The following CNTN1 variants were observed in gnomAD, a reference collection of about 807,000 sequenced individuals.
CNTN1 encodes the protein contactin 1.
In CNTN1, 38 loss-of-function variants were observed where a neutral mutation model predicts 126.4. That is an observed-to-expected ratio of 0.30 (90% CI 0.23 to 0.39). CNTN1 has a LOEUF of 0.39. Ranked by LOEUF, CNTN1 falls within the 10% of genes least tolerant of loss-of-function variation. The pLI, the probability that CNTN1 is intolerant of heterozygous loss-of-function variation, is 1.00. For synonymous variants in CNTN1, 413 were observed against 422.6 expected (o/e 0.98, Z 0.28); for missense variants, 1,009 against 1,248.4 (o/e 0.81, Z 2.89).
chr12:40,859,629 C>T (rs1004932522), intron 1 of CNTN1, among the ~76,000 whole-genome samples: 3 of 152,060 alleles, frequency 2.0e-5, no homozygotes, highest in Non-Finnish European at 4.4e-5. Flanking sequence ...AATATCCCAT[C>T]ATATTGACAG....
intron 15 of CNTN1, among the ~76,000 whole-genome samples, chr12:40,970,155 G>T (rs1947454387): frequency 6.6e-6 from 1 of 151,970 alleles, no homozygotes; most frequent in Non-Finnish European, 1.5e-5. Flanking sequence ...ACATTGTCTG[G>T]TAGATACAGT....
At chr12:40,829,827 G>A (rs567878848) in intron 1 of CNTN1, among the ~76,000 whole-genome samples, 4 of 152,296 alleles carry the variant, frequency 2.6e-5, no homozygotes, top group Admixed American at 6.5e-5. Flanking sequence ...CCTGGCTGAG[G>A]TGGCTGATTA....
At chr12:40,813,064 TTC>T (rs1941139343) in intron 1 of CNTN1, among the ~76,000 whole-genome samples, 11 of 133,118 alleles carry the variant, frequency 8.3e-5, no homozygotes, top group African/African-American at 1.2e-4. Context: ...TCTTTCTTCC[TTC>T]CTTCCTTCCT....
intron 1 of CNTN1, among the ~76,000 whole-genome samples, chr12:40,732,791 T>C (rs544918247): frequency 1.2e-4 from 19 of 152,196 alleles, no homozygotes; most frequent in African/African-American, 4.6e-4. Context: ...TTCAAATTAT[T>C]TCACTAATAT....
intron 15 of CNTN1, among the ~76,000 whole-genome samples, chr12:40,970,486 C>G (rs1448768317): frequency 6.6e-6 from 1 of 151,892 alleles, no homozygotes; most frequent in African/African-American, 2.4e-5. Flanking sequence ...TCCTAGTTTC[C>G]GTTTCTTCTA....
intron 23 of CNTN1, among the ~76,000 whole-genome samples, chr12:41,045,154 C>T (rs1000487283): frequency 1.3e-5 from 2 of 151,888 alleles, no homozygotes; most frequent in African/African-American, 4.8e-5. Flanking sequence ...TAAGGATGAA[C>T]TAAGATACAC....
chr12:40,795,807 G>A (rs1940406082), intron 1 of CNTN1, among the ~76,000 whole-genome samples: 1 of 152,100 alleles, frequency 6.6e-6, no homozygotes, highest in Admixed American at 6.6e-5. Context: ...AGGGATTTCT[G>A]TAATCGTTGC....
At chr12:40,984,104 GT>G (rs1449065481) in intron 16 of CNTN1, among the ~76,000 whole-genome samples, 1 of 149,660 alleles carries the variant, frequency 6.7e-6, no homozygotes, top group Non-Finnish European at 1.5e-5. Context: ...TTTATACTCA[GT>G]GAAATATATA....
chr12:40,792,905 G>A lies in CNTN1; in HGVS notation c.-77+100313G>A, dbSNP rs572395173. On this transcript the variant is annotated intron_variant, in intron 1 of 23. Coordinates refer to ENST00000551295, the MANE Select transcript of CNTN1 (RefSeq NM_001843.4). ...TGGCCTATTTTGAGATGACTATTCA[G>A]ACGGGTTACAGACCACAGGAATAGC... Among the ~76,000 whole-genome samples the A allele has an allele frequency of 3.3e-5, 5 of 152,190 alleles. No homozygotes were observed. In the South Asian group the frequency reaches 1.0e-3, roughly 32 times the overall value.
chr12:41,014,327 A>G (rs1412897069), intron 18 of CNTN1, 29 bp downstream of exon 18: 7 of 1,608,848 alleles, frequency 4.4e-6, no homozygotes, highest in Non-Finnish European at 6.0e-6. Context: ...CACATATTAT[A>G]GGTTGCTGTA....
intron 1 of CNTN1, among the ~76,000 whole-genome samples, chr12:40,784,139 T>C (rs1939910870): frequency 6.6e-6 from 1 of 152,170 alleles, no homozygotes; most frequent in African/African-American, 2.4e-5. Context: ...AGGGAAAATA[T>C]GAATCTTTAT....
chr12:40,828,581 C>G (rs969866214), intron 1 of CNTN1, among the ~76,000 whole-genome samples: 1 of 152,118 alleles, frequency 6.6e-6, no homozygotes, highest in African/African-American at 2.4e-5. Flanking sequence ...GTAGAATGAG[C>G]TGAATCAATA....
chr12:40,914,865 A>G (rs1945173510), intron 3 of CNTN1, among the ~76,000 whole-genome samples: 1 of 152,106 alleles, frequency 6.6e-6, no homozygotes, highest in African/African-American at 2.4e-5. Context: ...ATTCACTCCA[A>G]AATTGTATAT....
intron 1 of CNTN1, among the ~76,000 whole-genome samples, chr12:40,819,038 C>T (rs1223971827): frequency 1.3e-5 from 2 of 152,114 alleles, no homozygotes; most frequent in African/African-American, 4.8e-5. Flanking sequence ...TGAAGAGCAG[C>T]AAAGATGGGT....
intron 23 of CNTN1, among the ~76,000 whole-genome samples, chr12:41,033,882 CAAAA>C (rs34710701): frequency 9.7e-6 from 1 of 103,222 alleles, no homozygotes; most frequent in Non-Finnish European, 2.1e-5. Context: ...ACTAAAAATA[CAAAA>C]AAAAAAAAAA....
At chr12:40,878,621 G>A (rs1943761025) in intron 1 of CNTN1, among the ~76,000 whole-genome samples, 1 of 152,172 alleles carries the variant, frequency 6.6e-6, no homozygotes. Flanking sequence ...TATGTGTAAT[G>A]TTACTGAACT....
At chr12:40,697,384 G>A (rs373574127) in intron 1 of CNTN1, among the ~76,000 whole-genome samples, 1 of 152,078 alleles carries the variant, frequency 6.6e-6, no homozygotes, top group East Asian at 1.9e-4. Flanking sequence ...ATATTTATAG[G>A]TTCTTTGTAT....
rs1462598671 is a variant in CNTN1, at chr12:41,014,239, G to A, written c.2125G>A (p.Ala709Thr). The change falls in exon 18 of 24, where the codon GCT becomes ACT. Residue 709 changes from alanine to threonine, a missense_variant. Physicochemically the swap from Ala to Thr is moderately conservative, Grantham distance 58. Transcript: ENST00000551295. ...TTTGTTTGTTTCAGCACCAAATGTG[G>A]CTCCTTCAGATGTAGGAGGTGGAGG... is the stretch of plus-strand genomic sequence containing the variant. The part of the protein sequence containing the change: ...IKTDGAAPNV[A>T]PSDVGGGGGR... 6.2e-7 allele frequency: 1 copy of A among 1,613,852 alleles called. No individual in the cohort carries two copies. The highest frequency in any genetic ancestry group is 8.5e-7 in the Non-Finnish European group (1 of 1,179,792).
chr12:40,962,750 A>G (rs1947151580), intron 15 of CNTN1, among the ~76,000 whole-genome samples: 1 of 152,166 alleles, frequency 6.6e-6, no homozygotes, highest in Non-Finnish European at 1.5e-5. Flanking sequence ...TGAGGAAAAG[A>G]GGCCAGTAAA....
Sources: allele counts gnomAD v4.1 joint callset (sites outside exome capture counted in the v4.1 genomes callset), GRCh38; gene constraint gnomAD v4.1.1; transcripts MANE v1.5; gene names NCBI Gene and HGNC (gene_info 2026-07-23, HGNC 2026-07-21).